The following TUSC3 variants were observed in gnomAD, a reference collection of about 807,000 sequenced individuals.
TUSC3 encodes dolichyl-diphosphooligosaccharide--protein glycosyltransferase subunit TUSC3.
Under a neutral mutation model 44.8 loss-of-function variants are expected in TUSC3, and 45 were observed. That is an observed-to-expected ratio of 1.00 (90% CI 0.79 to 1.29). The LOEUF (loss-of-function observed/expected upper bound fraction) is 1.29, where lower values mean the gene tolerates loss of function less well. Among genes scored for constraint, TUSC3 ranks in the 50% most tolerant of loss-of-function variants. TUSC3 has a pLI of 0.00. For missense variants in TUSC3, 519 were observed against 437.9 expected (o/e 1.19, Z -1.65); for synonymous variants, 212 against 152.9 (o/e 1.39, Z -2.85).
chr8:15,555,502 A>C (rs1454854400), intron 1 of TUSC3, among the ~76,000 whole-genome samples: 1 of 150,460 alleles, frequency 6.6e-6, no homozygotes, highest in Non-Finnish European at 1.5e-5. Context: ...CCTGTGTTGT[A>C]CAGGATGGCC....
the TUSC3 span, among the ~76,000 whole-genome samples, chr8:15,801,357 G>A: frequency 6.6e-6 from 1 of 152,174 alleles, no homozygotes; most frequent in Non-Finnish European, 1.5e-5. Context: ...AACAGGAACA[G>A]TTTAAAGAAT....
At chr8:15,518,118 T>G (rs1301136322) in intron 2 of TUSC3, among the ~76,000 whole-genome samples, 1 of 152,264 alleles carries the variant, frequency 6.6e-6, no homozygotes, top group South Asian at 2.1e-4. Flanking sequence ...TAAATCTACA[T>G]AATTCCATGT....
At position 15,764,815 on chromosome 8, in the gene TUSC3, G is replaced by C. The variant is rs112977226; in HGVS notation, c.*659G>C. 6.6e-6 allele frequency: 1 copy of C among 152,132 alleles called. No homozygotes were observed. The highest frequency in any genetic ancestry group is 2.1e-4 in the South Asian group (1 of 4,836). 9.4% of individuals were successfully genotyped at this position (152,132 alleles called of 1,614,324 possible). The stretch of plus-strand genomic sequence containing the variant: ...AAGTAAATGTGCATTAAAGCAGTGT[G>C]CTTCAAAGGCATCAGACGATGAAAG... On this transcript the variant is annotated 3_prime_UTR_variant, in exon 11 of 11. Transcript: ENST00000503731.
chr8:15,666,806 C>G (rs1366719220), intron 5 of TUSC3, among the ~76,000 whole-genome samples: 3 of 151,010 alleles, frequency 2.0e-5, no homozygotes, highest in Non-Finnish European at 4.4e-5. Context: ...GTCATTTGGC[C>G]ATTTGGAGTT....
In TUSC3 at chr8:15,444,806, G is replaced by T. The variant is rs372218392; in HGVS notation, n.91+27501G>T. Among the ~76,000 whole-genome samples the T allele has an allele frequency of 1.9e-4, 29 of 152,198 alleles. No individual in the cohort carries two copies. The East Asian group carries it at 3.7e-3, about 19-fold the overall frequency. ...TGTCTTCTTACCCTCTTAAAATGGT[G>T]ACCAGTGAGGCAAGTGGATACTATT... On this transcript the variant is annotated intron_variant and non_coding_transcript_variant, in intron 1 of 5. Transcript: ENST00000503191.
At chr8:15,445,405 G>T (rs546683629) in intron 1 of TUSC3, among the ~76,000 whole-genome samples, 28 of 152,256 alleles carry the variant, frequency 1.8e-4, no homozygotes, top group African/African-American at 5.3e-4. Flanking sequence ...GTGGTGGGAA[G>T]GTTAGCAGAT....
chr8:15,639,572 G>C (rs1038935207), intron 2 of TUSC3, among the ~76,000 whole-genome samples: 2 of 152,124 alleles, frequency 1.3e-5, no homozygotes, highest in African/African-American at 4.8e-5. Context: ...AGCATTTAAA[G>C]ATAAAACTTT....
At chr8:15,775,776 A>ATC in the TUSC3 span, among the ~76,000 whole-genome samples, 1 of 122,816 alleles carries the variant, frequency 8.1e-6, no homozygotes, top group Non-Finnish European at 1.8e-5. Flanking sequence ...ATATATATAT[A>ATC]TCTTCCGTAA....
At chr8:15,794,478 G>C in the TUSC3 span, among the ~76,000 whole-genome samples, 1 of 152,178 alleles carries the variant, frequency 6.6e-6, no homozygotes, top group Non-Finnish European at 1.5e-5. Flanking sequence ...TAAATGGTTT[G>C]AGATTCTTTC....
intron 7 of TUSC3, among the ~76,000 whole-genome samples, chr8:15,741,929 C>T (rs1017903605): frequency 6.6e-6 from 1 of 152,110 alleles, no homozygotes; most frequent in Non-Finnish European, 1.5e-5. Flanking sequence ...TACATATGAA[C>T]AGTTTTAGTG....
chr8:15,784,486 AATGTT>A, the TUSC3 span, among the ~76,000 whole-genome samples: 1 of 150,760 alleles, frequency 6.6e-6, no homozygotes, highest in Non-Finnish European at 1.5e-5. Flanking sequence ...GGATTCGAAA[AATGTT>A]ATGTGTATGT....
At chr8:15,823,456 C>T in the TUSC3 span, among the ~76,000 whole-genome samples, 1 of 152,150 alleles carries the variant, frequency 6.6e-6, no homozygotes, top group South Asian at 2.1e-4. Context: ...AGCAACATTT[C>T]TTTCTCTAAG....
At chr8:15,737,441 TAGC>T (rs899423660) in intron 7 of TUSC3, among the ~76,000 whole-genome samples, 1 of 152,176 alleles carries the variant, frequency 6.6e-6, no homozygotes, top group Non-Finnish European at 1.5e-5. Flanking sequence ...TTTACACAAA[TAGC>T]AGCTTTTTTA....
intron 1 of TUSC3, among the ~76,000 whole-genome samples, chr8:15,478,467 C>T (rs760084307): frequency 8.6e-5 from 13 of 152,046 alleles, no homozygotes; most frequent in Non-Finnish European, 1.6e-4. Flanking sequence ...GTGTTGTTCG[C>T]CTCTGTGTGT....
intron 1 of TUSC3, among the ~76,000 whole-genome samples, chr8:15,417,826 T>C (rs1799677705): frequency 1.3e-5 from 2 of 152,162 alleles, no homozygotes; most frequent in Admixed American, 6.5e-5. Context: ...GTTGTGCTGT[T>C]GAATAAGACT....
chr8:15,545,899 G>C (rs570709008), intron 1 of TUSC3, among the ~76,000 whole-genome samples: 1 of 151,736 alleles, frequency 6.6e-6, no homozygotes, highest in Non-Finnish European at 1.5e-5. Context: ...TGGCATGTCA[G>C]ACTATCTCAG....
At chr8:15,514,028 C>T (rs190445520) in intron 2 of TUSC3, among the ~76,000 whole-genome samples, 2 of 152,288 alleles carry the variant, frequency 1.3e-5, no homozygotes, top group East Asian at 3.9e-4. Flanking sequence ...AGGAACATAA[C>T]CAGTACTTTT....
chr8:15,803,784 G>C, the TUSC3 span, among the ~76,000 whole-genome samples: 1 of 152,236 alleles, frequency 6.6e-6, no homozygotes, highest in South Asian at 2.1e-4. Flanking sequence ...CTGCTTATGA[G>C]TGAGAACATG....
the TUSC3 span, among the ~76,000 whole-genome samples, chr8:15,839,424 C>G: frequency 5.3e-5 from 8 of 151,986 alleles, no homozygotes; most frequent in Admixed American, 4.6e-4. Context: ...GAGGGCATCC[C>G]TGAGTGAACA....
Sources: gnomAD v4.1 joint callset for allele counts (sites outside exome capture counted in the v4.1 genomes callset) on GRCh38, gnomAD v4.1.1 for gene constraint, MANE v1.5 for transcripts, NCBI Gene and HGNC (gene_info 2026-07-23, HGNC 2026-07-21) for gene names.